Variants in ZCCHC4 observed in about 807,000 individuals in gnomAD.
The protein encoded by ZCCHC4 is rRNA N(6)-adenosine-methyltransferase ZCCHC4.
Under a neutral mutation model 67.7 loss-of-function variants are expected in ZCCHC4, and 54 were observed. The observed-to-expected ratio is 0.80, with a 90% CI of 0.64 to 1.00. The LOEUF (loss-of-function observed/expected upper bound fraction) is 1.00. ZCCHC4 is among the 50% of genes least tolerant of loss of function. The pLI, the probability that ZCCHC4 is intolerant of heterozygous loss-of-function variation, is 0.00. For missense variants in ZCCHC4, 609 were observed against 617.0 expected, an observed-to-expected ratio of 0.99 and a Z score of 0.14; for synonymous variants, 198 against 213.5, an observed-to-expected ratio of 0.93 and a Z score of 0.63.
At chr4:25,318,022 G>C (rs1718363104) in intron 3 of ZCCHC4, among the ~76,000 whole-genome samples, 2 of 152,222 alleles carry the variant, frequency 1.3e-5, no homozygotes. Context: ...ATTTATCATA[G>C]TGATTATTGA....
At chr4:25,350,711 AAATATAAAACGTG>A (rs1425253894) in intron 7 of ZCCHC4, among the ~76,000 whole-genome samples, 7 of 152,212 alleles carry the variant, frequency 4.6e-5, no homozygotes, top group Non-Finnish European at 8.8e-5. Context: ...AATGCAAATG[AAATATAAAACGTG>A]ACTCATATTG....
At chr4:25,328,735 C>G (rs976284156) in intron 3 of ZCCHC4, among the ~76,000 whole-genome samples, 1 of 151,836 alleles carries the variant, frequency 6.6e-6, no homozygotes, top group African/African-American at 2.4e-5. Flanking sequence ...GCACTTGCCA[C>G]CACACCTGGG....
chr4:25,338,850 C>T (rs1719596386), intron 5 of ZCCHC4, among the ~76,000 whole-genome samples: 1 of 152,146 alleles, frequency 6.6e-6, no homozygotes, highest in South Asian at 2.1e-4. Context: ...ATGAATAATA[C>T]TGCTATGAAC....
chr4:25,341,575 C>T (rs1719759168), intron 5 of ZCCHC4, among the ~76,000 whole-genome samples: 2 of 152,182 alleles, frequency 1.3e-5, no homozygotes, highest in Non-Finnish European at 2.9e-5. Context: ...TATGCTTGTA[C>T]AGCCTGCAGA....
Position 25,312,815 on chromosome 4 carries a change from G to C in ZCCHC4, c.6G>C (p.Ala2=). The change falls in exon 1 of 13, where the codon GCG becomes GCC. Residue 2 remains alanine, a synonymous_variant. Coordinates refer to ENST00000302874, the MANE Select transcript of ZCCHC4 (RefSeq NM_024936.3). ...TTCGGGACGGCGGCGGGAAGATGGC[G>C]GCCTCCAGGAATGGGTTTGAAGCCG... M[A]ASRNGFEAVE... is the part of the protein sequence containing the mutation. 8.7e-6 allele frequency: 14 copies of C among 1,613,178 alleles called. No individual in the cohort carries two copies. Among genetic ancestry groups the C allele is most frequent in the Non-Finnish European group, 1.2e-5 (14 of 1,179,976 alleles).
chr4:25,344,072 G>A (rs1457136228), intron 5 of ZCCHC4, among the ~76,000 whole-genome samples: 2 of 152,084 alleles, frequency 1.3e-5, no homozygotes, highest in East Asian at 1.9e-4. Context: ...CATAAATGGG[G>A]AAAACATATG....
intron 3 of ZCCHC4, 84 bp downstream of exon 3, chr4:25,315,484 T>C: frequency 9.7e-7 from 1 of 1,028,840 alleles, no homozygotes; most frequent in Non-Finnish European, 1.4e-6. Context: ...TAAGTTTACT[T>C]TCATTTATTT....
intron 5 of ZCCHC4, among the ~76,000 whole-genome samples, chr4:25,337,349 C>G (rs1448212677): frequency 1.3e-5 from 2 of 152,228 alleles, no homozygotes; most frequent in Non-Finnish European, 2.9e-5. Context: ...TTCTGTCTTT[C>G]TCTGTGTATT....
Sources: gnomAD v4.1 joint callset for allele counts (sites outside exome capture counted in the v4.1 genomes callset) on GRCh38, gnomAD v4.1.1 for gene constraint, MANE v1.5 for transcripts, NCBI Gene and HGNC (gene_info 2026-07-23, HGNC 2026-07-21) for gene names.